Variants in EXOC3 observed in about 807,000 individuals in gnomAD.
The protein encoded by EXOC3 is exocyst complex component 3.
In EXOC3, 21 loss-of-function variants were observed where a neutral mutation model predicts 73.7. The ratio of observed to expected loss-of-function variants is 0.29; its 90% CI spans 0.20 to 0.41. The LOEUF is 0.41. EXOC3 is among the 10% of genes least tolerant of loss of function. The probability of loss-of-function intolerance (pLI) is 1.00; values close to 1 mark genes in which losing one functional copy is unlikely to be tolerated. For missense variants in EXOC3, 842 were observed against 985.1 expected, an observed-to-expected ratio of 0.85 and a Z score of 1.95; for synonymous variants, 410 against 389.1, an observed-to-expected ratio of 1.05 and a Z score of -0.63.
Position 447,751 on chromosome 5 carries a change from A to C in EXOC3, c.363A>C (p.Ser121=). The C allele has an allele frequency of 2.6e-6, 4 of 1,551,024 alleles. No individual in the cohort carries two copies. The highest frequency in any genetic ancestry group is 3.5e-6 in the Non-Finnish European group (4 of 1,144,242). Residue 121 remains serine, a splice_region_variant and synonymous_variant, in exon 3 of 13, where the codon TCA becomes TCC. Transcript: ENST00000512944. ...AAVENLKNIF[S]VPEIVRETQD... ...TGGAGAACCTCAAGAACATCTTCTCAGGTACCAGCCAGACGCCGAGGCACT... is the reference window on the plus strand; with the variant it reads ...TGGAGAACCTCAAGAACATCTTCTCCGGTACCAGCCAGACGCCGAGGCACT...
At chr5:452,831 C>T (rs1737695104) in intron 3 of EXOC3, among the ~76,000 whole-genome samples, 1 of 152,232 alleles carries the variant, frequency 6.6e-6, no homozygotes, top group South Asian at 2.1e-4. Flanking sequence ...TGTCTTCATT[C>T]ATAAATATCT....
At chr5:443,553 C>T (rs1183515318) in intron 1 of EXOC3, among the ~76,000 whole-genome samples, 2 of 151,506 alleles carry the variant, frequency 1.3e-5, no homozygotes, top group Admixed American at 1.3e-4. Flanking sequence ...GGCACAAGGT[C>T]CTTCCTGGTG....
At position 464,991 on chromosome 5, in the gene EXOC3, G is replaced by C. The variant is rs1738097558; in HGVS notation, c.1777-120G>C. ...TGAGATGCCAGAGCCGTGGCGGAGC[G>C]AGGAGGAGTGGGCTCAGAGCCTCCG... On this transcript the variant is annotated intron_variant, in intron 10 of 12. Coordinates refer to ENST00000512944, the MANE Select transcript of EXOC3 (RefSeq NM_007277.5). The C allele has an allele frequency of 7.7e-6, 8 of 1,034,498 alleles. No individual in the cohort carries two copies. The East Asian group carries it at 2.1e-4, about 28-fold the overall frequency. The allele number at this position is 1,034,498 out of a possible 1,614,324, so 64.1% of individuals were successfully genotyped here.
intron 2 of EXOC3, 33 bp from the exon 3 acceptor site, chr5:447,500 G>C (rs1737540199): frequency 6.8e-7 from 1 of 1,461,134 alleles, no homozygotes; most frequent in Non-Finnish European, 9.2e-7. Context: ...GGCTATCATT[G>C]GCTCTGCTCA....
chr5:453,806 C>A lies in EXOC3; in HGVS notation c.801C>A (p.Thr267=), dbSNP rs1236048065. The change falls in exon 4 of 13, where the codon ACC becomes ACA. Residue 267 remains threonine (T), a synonymous_variant. Transcript: ENST00000512944. ...GAATTGAGGGCACACAGGCAGATACCAGAGAGTCTGACAAGATGTGGCTTG... is the reference window on the plus strand; with the variant it reads ...GAATTGAGGGCACACAGGCAGATACAAGAGAGTCTGACAAGATGTGGCTTG... ...TTRIEGTQAD[T]RESDKMWLVR... is the part of the protein sequence containing the mutation. 1 of 1,613,894 alleles carries A rather than the reference C, an allele frequency of 6.2e-7. No individual in the cohort carries two copies. The highest frequency in any genetic ancestry group is 1.7e-5 in the Admixed American group (1 of 60,016).
intron 9 of EXOC3, among the ~76,000 whole-genome samples, chr5:463,318 T>C (rs1458142941): frequency 1.3e-5 from 2 of 152,214 alleles, no homozygotes; most frequent in African/African-American, 2.4e-5. Context: ...ACATTTGAAA[T>C]TATTTCAAAA....
chr5:463,822 T>C lies in EXOC3; in HGVS notation c.1654-468T>C, dbSNP rs191085734. Reference sequence around the variant, plus strand: ...TGAAAAAAATTTAAATGTCCATCAATAGAGAATTGGGCAAATAAATACGAT... The same window carrying C: ...TGAAAAAAATTTAAATGTCCATCAACAGAGAATTGGGCAAATAAATACGAT... On this transcript the variant is annotated intron_variant, in intron 9 of 12. Coordinates refer to ENST00000512944, the MANE Select transcript of EXOC3 (RefSeq NM_007277.5). Among the ~76,000 whole-genome samples the C allele has an allele frequency of 3.3e-5, 5 of 152,352 alleles. No individual in the cohort carries two copies. The East Asian group carries it at 5.8e-4, about 18-fold the overall frequency.
intron 12 of EXOC3, 63 bp from the exon 13 acceptor site, chr5:466,664 C>A (rs80008806): frequency 3.3e-6 from 5 of 1,522,100 alleles, no homozygotes; most frequent in Admixed American, 1.9e-5. Flanking sequence ...CCGTGAGTCC[C>A]TGGCAGCGTG....
chr5:451,657 T>G (rs567929073), intron 3 of EXOC3, among the ~76,000 whole-genome samples: 16 of 152,362 alleles, frequency 1.1e-4, no homozygotes, highest in African/African-American at 3.4e-4. Context: ...GGCCTTTGCT[T>G]CTTCACGTGG....
rs1738176376 is a variant in EXOC3 at position 467,138 on chromosome 5, G to C, written c.*240G>C. ...GGGCTCTGCCGCACAGCCTCTCTTG[G>C]GTGCTTGTTTGTTGCAGTGGTTGAA... On this transcript the variant is annotated 3_prime_UTR_variant, in exon 13 of 13. Transcript: ENST00000512944. 3.8e-6 allele frequency: 2 copies of C among 527,680 alleles called. No homozygotes were observed. The highest frequency in any genetic ancestry group is 5.9e-5 in the East Asian group (2 of 33,762). The allele number at this position is 527,680 out of a possible 1,614,324, so 32.7% of individuals were successfully genotyped here. A position where few individuals can be genotyped will look rare whatever the true frequency, so the allele number is the denominator to read the frequency against.
At position 462,286 on chromosome 5, in the gene EXOC3, GGAGGTCT is replaced by G. The variant is rs1361971592; in HGVS notation, c.1633_1639del (p.Glu545SerfsTer8). On this transcript the variant is annotated frameshift_variant, in exon 9 of 13. Coordinates refer to ENST00000512944, the MANE Select transcript of EXOC3 (RefSeq NM_007277.5). LOFTEE classifies it high-confidence loss of function. ...AGGAGGGCTGCAGCGGTTTGCTGGA[GGAGGTCT>G]TCCTGGACCTGGAGGTGGGCCTGGC... is the stretch of plus-strand genomic sequence containing the variant. 1 of 1,613,860 alleles carries G rather than the reference GGAGGTCT, an allele frequency of 6.2e-7. No individual in the cohort carries two copies. Among genetic ancestry groups the G allele is most frequent in the Non-Finnish European group, 8.5e-7 (1 of 1,179,916 alleles).
At position 465,310 on chromosome 5, in the gene EXOC3, C is replaced by T. The variant is rs756501182; in HGVS notation, c.1938+38C>T. 1.4e-5 allele frequency: 22 copies of T among 1,552,142 alleles called. No individual in the cohort carries two copies. The Admixed American group carries it at 1.9e-4, about 14-fold the overall frequency. ...CAGGTCCGGGCTGGAGAAGGCCTGTCGCTCCGCGGCCCTGTTCAGCCTCCA... is the reference window on the plus strand; with the variant it reads ...CAGGTCCGGGCTGGAGAAGGCCTGTTGCTCCGCGGCCCTGTTCAGCCTCCA... On this transcript the variant is annotated intron_variant, in intron 11 of 12. Coordinates refer to ENST00000512944, the MANE Select transcript of EXOC3 (RefSeq NM_007277.5).
intron 12 of EXOC3, chr5:466,186 TCTG>T: frequency 3.1e-6 from 1 of 325,636 alleles, no homozygotes; most frequent in East Asian, 7.0e-5. Flanking sequence ...GGAAGTTTCC[TCTG>T]TGCTCATGGT....
At chr5:464,526 C>T in intron 10 of EXOC3, 114 bp downstream of exon 10, 2 of 1,211,650 alleles carry the variant, frequency 1.7e-6, no homozygotes, top group Non-Finnish European at 2.4e-6. Context: ...CACTTGTTGT[C>T]CTATCAGCCC....
intron 11 of EXOC3, 64 bp downstream of exon 11, chr5:465,336 C>T (rs1738111088): frequency 1.3e-6 from 2 of 1,517,088 alleles, no homozygotes; most frequent in South Asian, 1.2e-5. Flanking sequence ...TCAGCCTCCA[C>T]CCCGGGACTC....
At position 462,193 on chromosome 5, in the gene EXOC3, G is replaced by A. The variant is rs1483690586; in HGVS notation, c.1539G>A (p.Lys513=). ...TCAGTTTAAAAAGAAAGTATTTAAA[G>A]AATGAAGTGGAAGAGGGTGTGTCTC... ...SIVSLKRKYL[K]NEVEEGVSPS... Residue 513 remains lysine (K), a synonymous_variant, in exon 9 of 13, where the codon AAG becomes AAA. Coordinates refer to ENST00000512944, the MANE Select transcript of EXOC3 (RefSeq NM_007277.5). The A allele has an allele frequency of 1.9e-6, 3 of 1,613,852 alleles. No homozygotes were observed. Among genetic ancestry groups the A allele is most frequent in the African/African-American group, 2.7e-5 (2 of 74,952 alleles).
chr5:449,099 A>G (rs1737584926), intron 3 of EXOC3, among the ~76,000 whole-genome samples: 1 of 152,200 alleles, frequency 6.6e-6, no homozygotes, highest in Admixed American at 6.5e-5. Flanking sequence ...GCATTACTGG[A>G]ATTAGTTTAT....
chr5:454,640 C>G (rs1350324888), intron 4 of EXOC3, among the ~76,000 whole-genome samples: 1 of 152,186 alleles, frequency 6.6e-6, no homozygotes, highest in African/African-American at 2.4e-5. Flanking sequence ...CTTAAGGGAC[C>G]ATGAACCACT....
At position 462,217 on chromosome 5, in the gene EXOC3, T is replaced by A; in HGVS notation, c.1563T>A (p.Ser521=). ...AGAATGAAGTGGAAGAGGGTGTGTC[T>A]CCGAGCCAGCCCAGCATGGACGGGA... The part of the protein sequence containing the change: ...YLKNEVEEGV[S]PSQPSMDGIL... Residue 521 remains serine (S), a synonymous_variant, in exon 9 of 13, where the codon TCT becomes TCA. Transcript: ENST00000512944. 1 of 1,613,972 alleles carries A rather than the reference T, an allele frequency of 6.2e-7. No individual in the cohort carries two copies. Among genetic ancestry groups the A allele is most frequent in the Non-Finnish European group, 8.5e-7 (1 of 1,179,890 alleles).
Sources: allele counts gnomAD v4.1 joint callset (sites outside exome capture counted in the v4.1 genomes callset), GRCh38; gene constraint gnomAD v4.1.1; transcripts MANE v1.5; gene names NCBI Gene and HGNC (gene_info 2026-07-23, HGNC 2026-07-21).